The following OSTC variants were observed in gnomAD, a reference collection of about 807,000 sequenced individuals.
OSTC encodes oligosaccharyltransferase complex non-catalytic subunit.
Under a neutral mutation model 16.4 loss-of-function variants are expected in OSTC, and 16 were observed. The observed-to-expected ratio is 0.98, with a 90% confidence interval of 0.66 to 1.49. The LOEUF is 1.49. Among genes scored for constraint, OSTC ranks in the 40% most tolerant of loss-of-function variants. The pLI is 0.00. For missense variants in OSTC, 139 were observed against 186.3 expected (o/e 0.75, Z 1.48); for synonymous variants, 67 against 68.5 (o/e 0.98, Z 0.11).
chr4:108,665,359 T>G (rs1204329227), intron 3 of OSTC, among the ~76,000 whole-genome samples: 1 of 152,112 alleles, frequency 6.6e-6, no homozygotes, highest in Non-Finnish European at 1.5e-5. Flanking sequence ...TGAGTGAGGT[T>G]TGCCAGGCTC....
At position 108,657,345 on chromosome 4, in the gene OSTC, A is replaced by C. The variant is rs1045664757; in HGVS notation, c.234-105A>C. ...AATAGTTGTAAGGCTAAGAATAAGA[A>C]ATATAGCACAAAAATGTTTTGGCAC... is the stretch of plus-strand genomic sequence containing the variant. On this transcript the variant is annotated intron_variant, in intron 2 of 3. Transcript: ENST00000361564. 49 of 956,638 alleles carry C rather than the reference A, an allele frequency of 5.1e-5. No homozygotes were observed. The African/African-American group carries it at 7.8e-4, about 15-fold the overall frequency. The allele number at this position is 956,638 out of a possible 1,614,324, so 59.3% of individuals were successfully genotyped here.
chr4:108,650,847 C>T (rs1375252013), intron 1 of OSTC, 53 bp downstream of exon 1: 1 of 1,611,550 alleles, frequency 6.2e-7, no homozygotes, highest in Non-Finnish European at 8.5e-7. Context: ...CTGACCCGCC[C>T]CGGGAGGCGC....
At chr4:108,665,484 G>C (rs1472137843) in intron 3 of OSTC, among the ~76,000 whole-genome samples, 3 of 129,556 alleles carry the variant, frequency 2.3e-5, no homozygotes, top group African/African-American at 8.6e-5. Context: ...TTCTTGCACT[G>C]TTGCCCAGGC....
chr4:108,662,084 T>C (rs1159482400), intron 3 of OSTC, among the ~76,000 whole-genome samples: 2 of 152,238 alleles, frequency 1.3e-5, no homozygotes, highest in Admixed American at 1.3e-4. Context: ...ACAAAAGGTC[T>C]GCCTTATTTC....
intron 3 of OSTC, among the ~76,000 whole-genome samples, chr4:108,661,387 TAATG>T (rs1382843268): frequency 6.6e-6 from 1 of 152,164 alleles, no homozygotes; most frequent in Admixed American, 6.5e-5. Flanking sequence ...ATTTATGAGA[TAATG>T]TATGTGAAAT....
rs1726504566 is a variant in OSTC, at chr4:108,650,678, C to T, written c.23C>T (p.Pro8Leu). Residue 8 changes from proline to leucine, a missense_variant, in exon 1 of 4, where the codon CCG becomes CTG. Coordinates refer to ENST00000361564, the MANE Select transcript of OSTC (RefSeq NM_021227.4). METLYRVPFLVLECPNLK... is the reference protein window; with the variant it reads METLYRVLFLVLECPNLK... ...AACATGGAGACTTTGTACCGTGTCC[C>T]GTTCTTAGTGCTCGAATGTCCCAAC... 1.2e-6 allele frequency: 2 copies of T among 1,614,162 alleles called. No individual in the cohort carries two copies. The highest frequency in any genetic ancestry group is 1.7e-6 in the Non-Finnish European group (2 of 1,180,018).
chr4:108,655,348 C>T (rs761851358), intron 1 of OSTC, among the ~76,000 whole-genome samples: 2 of 152,074 alleles, frequency 1.3e-5, no homozygotes, highest in Non-Finnish European at 2.9e-5. Context: ...CGCCTGTAGT[C>T]CCAGCTACTT....
chr4:108,659,768 CA>C (rs376873612), intron 3 of OSTC, among the ~76,000 whole-genome samples: 1 of 150,684 alleles, frequency 6.6e-6, no homozygotes, highest in African/African-American at 2.4e-5. Flanking sequence ...GACTCCATCT[CA>C]AAAAAAAGAA....
In OSTC at chr4:108,656,641, T is replaced by C. The variant is rs141007255; in HGVS notation, c.234-809T>C. ...GGGGTTTGTAGTTCACTGAAGTTCT[T>C]ATGGGACCCATGGAGCCTTATTTAA... On this transcript the variant is annotated intron_variant, in intron 2 of 3. Transcript: ENST00000361564. Among the ~76,000 whole-genome samples the C allele has an allele frequency of 4.3e-4, 65 of 152,224 alleles. 1 individual carries two copies. The highest frequency in any genetic ancestry group is 1.4e-3 in the African/African-American group (60 of 41,530).
At chr4:108,664,495 T>G (rs1459233567) in intron 3 of OSTC, among the ~76,000 whole-genome samples, 2 of 142,460 alleles carry the variant, frequency 1.4e-5, no homozygotes, top group Non-Finnish European at 1.5e-5. Flanking sequence ...AAGCTTATGT[T>G]TTAAAGTATC....
intron 3 of OSTC, among the ~76,000 whole-genome samples, chr4:108,659,307 G>A (rs2110385059): frequency 6.6e-6 from 1 of 151,970 alleles, no homozygotes; most frequent in South Asian, 2.1e-4. Flanking sequence ...TTTGGGGAAG[G>A]CATTTCTGGC....
chr4:108,657,466 A>G lies in OSTC; in HGVS notation c.250A>G (p.Ile84Val), dbSNP rs985943668. ...CTTTTCCAGAGTAAATGGACAATAT[A>G]TTATGGAAGGACTTGCATCCAGCTT... ...FLAYRVNGQY[I>V]MEGLASSFLF... is the part of the protein sequence containing the mutation. Residue 84 changes from isoleucine (I) to valine (V), a missense_variant, in exon 3 of 4, where the codon ATT (isoleucine) becomes GTT (valine). Ile to Val is a conservative substitution (Grantham distance 29). Coordinates refer to ENST00000361564, the MANE Select transcript of OSTC (RefSeq NM_021227.4). The G allele has an allele frequency of 6.2e-7, 1 of 1,611,714 alleles. No individual in the cohort carries two copies. The highest frequency in any genetic ancestry group is 1.3e-5 in the African/African-American group (1 of 74,856).
intron 3 of OSTC, among the ~76,000 whole-genome samples, chr4:108,666,437 C>T (rs930090389): frequency 2.0e-5 from 3 of 152,014 alleles, no homozygotes; most frequent in South Asian, 2.1e-4. Context: ...GGGCCAGGCG[C>T]GGTGGCTCAC....
chr4:108,651,736 T>C (rs963602768), intron 1 of OSTC, among the ~76,000 whole-genome samples: 1 of 152,192 alleles, frequency 6.6e-6, no homozygotes, highest in Non-Finnish European at 1.5e-5. Flanking sequence ...AATTATAAAA[T>C]TAAAGCTACG....
At chr4:108,665,648 C>T (rs558967208) in intron 3 of OSTC, among the ~76,000 whole-genome samples, 4 of 151,782 alleles carry the variant, frequency 2.6e-5, no homozygotes, top group African/African-American at 7.3e-5. Context: ...CAACCTCCAC[C>T]TCCTGGGTTC....
chr4:108,651,576 C>G (rs1726550103), intron 1 of OSTC: 1 of 152,200 alleles, frequency 6.6e-6, no homozygotes, highest in Non-Finnish European at 1.5e-5. Flanking sequence ...TCCGGCTAGT[C>G]TTTTCAGAGC....
At chr4:108,652,539 C>T (rs1271399048) in intron 1 of OSTC, among the ~76,000 whole-genome samples, 4 of 152,024 alleles carry the variant, frequency 2.6e-5, no homozygotes, top group Admixed American at 2.6e-4. Context: ...GGGAAGAAGT[C>T]TCTTCTAAAA....
At chr4:108,652,434 C>G (rs1726580481) in intron 1 of OSTC, among the ~76,000 whole-genome samples, 1 of 152,096 alleles carries the variant, frequency 6.6e-6, no homozygotes, top group South Asian at 2.1e-4. Context: ...TGGGGAGATT[C>G]TTTGTCCCAA....
Position 108,650,648 on chromosome 4 carries a change from C to T in OSTC, c.-8C>T. On this transcript the variant is annotated 5_prime_UTR_variant, in exon 1 of 4. Transcript: ENST00000361564. Reference sequence around the variant, plus strand: ...TTGAGGCCGAGAACGGCCCTTGCTGCCACCAACATGGAGACTTTGTACCGT... The same window carrying T: ...TTGAGGCCGAGAACGGCCCTTGCTGTCACCAACATGGAGACTTTGTACCGT... 1 of 1,613,728 alleles carries T rather than the reference C, an allele frequency of 6.2e-7. No homozygotes were observed. Among genetic ancestry groups the T allele is most frequent in the East Asian group, 2.2e-5 (1 of 44,858 alleles).
Sources: allele counts gnomAD v4.1 joint callset (sites outside exome capture counted in the v4.1 genomes callset), GRCh38; gene constraint gnomAD v4.1.1; transcripts MANE v1.5; gene names NCBI Gene and HGNC (gene_info 2026-07-23, HGNC 2026-07-21).